Variants in MAGI2 observed in about 807,000 individuals in gnomAD.
MAGI2 encodes membrane associated guanylate kinase, WW and PDZ domain containing 2.
MAGI2 carries 35 observed loss-of-function variants against 133.3 expected under a neutral mutation model. The observed-to-expected ratio is 0.26, with a 90% CI of 0.20 to 0.35. The LOEUF (loss-of-function observed/expected upper bound fraction) is 0.35, where lower values mean the gene tolerates loss of function less well. Ranked by LOEUF, MAGI2 falls within the 10% of genes least tolerant of loss-of-function variation. MAGI2 has a pLI of 1.00. For missense variants in MAGI2, 1,636 were observed against 1,863.4 expected, an observed-to-expected ratio of 0.88 and a Z score of 2.25; for synonymous variants, 729 against 710.6, an observed-to-expected ratio of 1.03 and a Z score of -0.41.
rs559188058 is a variant in MAGI2, at chr7:78,570,329, G to C, written c.539-48684C>G. On this transcript the variant is annotated intron_variant, in intron 3 of 21. Coordinates refer to ENST00000354212, the MANE Select transcript of MAGI2 (RefSeq NM_012301.4). ...AAATATGATTGAAACATTAAAAACT[G>C]CTTATTGATTTTATATTTAAAATCA... Among the ~76,000 whole-genome samples, 15 of 152,250 alleles carry C rather than the reference G, an allele frequency of 9.9e-5. No individual in the cohort carries two copies. The East Asian group carries it at 2.9e-3, about 29-fold the overall frequency.
intron 1 of MAGI2, among the ~76,000 whole-genome samples, chr7:79,355,987 C>T (rs1434185388): frequency 6.6e-6 from 1 of 152,006 alleles, no homozygotes; most frequent in African/African-American, 2.4e-5. Flanking sequence ...AAATTAAATT[C>T]TTTGTAGCAG....
intron 15 of MAGI2, among the ~76,000 whole-genome samples, chr7:78,160,474 T>A (rs962995401): frequency 9.2e-5 from 14 of 152,246 alleles, no homozygotes; most frequent in African/African-American, 3.1e-4. Flanking sequence ...GTCCTAGTTT[T>A]CATAGCAAAC....
chr7:78,658,811 T>C (rs1289362405), intron 2 of MAGI2, among the ~76,000 whole-genome samples: 1 of 152,098 alleles, frequency 6.6e-6, no homozygotes, highest in Non-Finnish European at 1.5e-5. Flanking sequence ...ATAGTGACAA[T>C]GCAAAATTGT....
intron 1 of MAGI2, among the ~76,000 whole-genome samples, chr7:79,233,690 C>T (rs1831594440): frequency 1.3e-5 from 1 of 78,962 alleles, no homozygotes; most frequent in Admixed American, 1.6e-4. Context: ...ATGTGTGTCT[C>T]TGCACATGAG....
At chr7:79,229,898 A>C (rs1831208193) in intron 1 of MAGI2, among the ~76,000 whole-genome samples, 3 of 148,670 alleles carry the variant, frequency 2.0e-5, no homozygotes, top group Admixed American at 2.0e-4. Flanking sequence ...CACCCACTAA[A>C]TCATCATCTA....
intron 4 of MAGI2, among the ~76,000 whole-genome samples, chr7:78,502,034 G>A (rs1034609105): frequency 6.6e-6 from 1 of 152,032 alleles, no homozygotes; most frequent in African/African-American, 2.4e-5. Flanking sequence ...GTAATGTAAG[G>A]ACCATTTCAT....
chr7:78,960,541 A>G (rs777277332), intron 2 of MAGI2, among the ~76,000 whole-genome samples: 4 of 152,142 alleles, frequency 2.6e-5, no homozygotes, highest in Admixed American at 1.3e-4. Context: ...TATTCAAAGA[A>G]ATGTAAAACA....
At chr7:78,228,990 T>C (rs1297755178) in intron 10 of MAGI2, among the ~76,000 whole-genome samples, 1 of 152,266 alleles carries the variant, frequency 6.6e-6, no homozygotes, top group African/African-American at 2.4e-5. Context: ...ATCTAGAATC[T>C]CGTGCCCACA....
At chr7:78,709,287 C>T (rs1477358020) in intron 2 of MAGI2, among the ~76,000 whole-genome samples, 3 of 151,620 alleles carry the variant, frequency 2.0e-5, no homozygotes, top group East Asian at 1.9e-4. Context: ...CACACCCCCA[C>T]CCCCACTCCA....
intron 1 of MAGI2, among the ~76,000 whole-genome samples, chr7:79,179,640 T>G (rs979480416): frequency 5.9e-5 from 9 of 152,100 alleles, no homozygotes; most frequent in Middle Eastern, 3.4e-3. Context: ...AGCCAACTGA[T>G]CTTTGGTAAA....
At chr7:78,269,383 CTAAT>C (rs1483414874) in intron 9 of MAGI2, among the ~76,000 whole-genome samples, 1 of 152,164 alleles carries the variant, frequency 6.6e-6, no homozygotes, top group Non-Finnish European at 1.5e-5. Flanking sequence ...AATAGTTGAA[CTAAT>C]TAAACTCCCA....
chr7:78,967,248 T>G (rs2115899081), intron 2 of MAGI2, among the ~76,000 whole-genome samples: 1 of 152,220 alleles, frequency 6.6e-6, no homozygotes, highest in South Asian at 2.1e-4. Context: ...AGCTTGTATG[T>G]CTTTTTTTGA....
intron 7 of MAGI2, among the ~76,000 whole-genome samples, chr7:78,368,909 G>A (rs1162371967): frequency 1.3e-5 from 2 of 152,072 alleles, no homozygotes; most frequent in Non-Finnish European, 2.9e-5. Context: ...CACTCATTTA[G>A]AGGACAGTGT....
chr7:78,067,600 T>C (rs1813970278), intron 21 of MAGI2, among the ~76,000 whole-genome samples: 1 of 152,172 alleles, frequency 6.6e-6, no homozygotes. Context: ...AGCTATTTAG[T>C]CTGGGCTAAG....
At chr7:79,028,858 G>GT (rs1279904547) in intron 1 of MAGI2, among the ~76,000 whole-genome samples, 8 of 151,898 alleles carry the variant, frequency 5.3e-5, no homozygotes, top group South Asian at 2.1e-4. Flanking sequence ...AATGAAAGGG[G>GT]TTTTTTTATA....
intron 2 of MAGI2, among the ~76,000 whole-genome samples, chr7:78,774,805 C>T (rs1024976838): frequency 6.6e-6 from 1 of 152,080 alleles, no homozygotes. Context: ...GACTAAAGGT[C>T]CCAGATGCTT....
chr7:78,916,710 G>C (rs1208919379), intron 2 of MAGI2, among the ~76,000 whole-genome samples: 2 of 152,090 alleles, frequency 1.3e-5, no homozygotes. Flanking sequence ...TTGGAGAACT[G>C]TATGTCATTC....
chr7:79,362,696 T>A (rs1842441897), intron 1 of MAGI2, among the ~76,000 whole-genome samples: 1 of 151,912 alleles, frequency 6.6e-6, no homozygotes, highest in African/African-American at 2.4e-5. Context: ...CACGATCATA[T>A]CAATGAATGC....
chr7:78,394,979 G>T (rs1415459876), intron 6 of MAGI2, among the ~76,000 whole-genome samples: 2 of 152,262 alleles, frequency 1.3e-5, no homozygotes, highest in East Asian at 3.9e-4. Context: ...ACCTGAACTG[G>T]ATCTACAACG....
Sources: gnomAD v4.1 joint callset for allele counts (sites outside exome capture counted in the v4.1 genomes callset) on GRCh38, gnomAD v4.1.1 for gene constraint, MANE v1.5 for transcripts, NCBI Gene and HGNC (gene_info 2026-07-23, HGNC 2026-07-21) for gene names.